TCF7L1: variants seen among roughly 807,000 people sequenced by gnomAD.
TCF7L1 encodes the protein transcription factor 7-like 1.
In TCF7L1, 18 loss-of-function variants were observed where a neutral mutation model predicts 63.7. That is an observed-to-expected ratio of 0.28 (90% CI 0.20 to 0.42). The LOEUF is 0.42. Among genes scored for constraint, TCF7L1 ranks in the 10% least tolerant of loss-of-function variants. The pLI, the probability that TCF7L1 is intolerant of heterozygous loss-of-function variation, is 1.00. For missense variants in TCF7L1, 654 were observed against 779.3 expected, an observed-to-expected ratio of 0.84 and a Z score of 1.91; for synonymous variants, 355 against 340.9, an observed-to-expected ratio of 1.04 and a Z score of -0.46.
intron 11 of TCF7L1, among the ~76,000 whole-genome samples, chr2:85,308,351 C>CCCTCCCTCCCTTTATT (rs1558663367): frequency 6.6e-6 from 1 of 151,186 alleles, no homozygotes; most frequent in African/African-American, 2.4e-5. Context: ...CTTCATTCCT[C>CCCTCCCTCCCTTTATT]CCTCCCTCCC....
At chr2:85,282,473 T>C (rs1349516240) in intron 3 of TCF7L1, among the ~76,000 whole-genome samples, 3 of 152,226 alleles carry the variant, frequency 2.0e-5, no homozygotes, top group African/African-American at 7.2e-5. Flanking sequence ...GGTTTGCTTA[T>C]GGAAATAATA....
intron 3 of TCF7L1, among the ~76,000 whole-genome samples, chr2:85,217,575 C>A (rs1190901458): frequency 6.6e-6 from 1 of 152,156 alleles, no homozygotes; most frequent in Non-Finnish European, 1.5e-5. Context: ...CCAATGACCC[C>A]AAGGTGCTGT....
intron 4 of TCF7L1, among the ~76,000 whole-genome samples, chr2:85,299,860 AAC>A (rs61569778): frequency 0.083 from 7,714 of 92,608 alleles, 459 homozygotes; most frequent in Non-Finnish European, 0.1. Flanking sequence ...CCTTGTCTCA[AAC>A]ACACACACAC....
intron 3 of TCF7L1, among the ~76,000 whole-genome samples, chr2:85,239,747 A>T (rs1680280227): frequency 6.6e-6 from 1 of 152,168 alleles, no homozygotes; most frequent in Admixed American, 6.5e-5. Flanking sequence ...GTTCGAGACC[A>T]GCTTGACCAA....
intron 5 of TCF7L1, chr2:85,303,245 C>T (rs1302051708): frequency 6.6e-6 from 1 of 152,558 alleles, no homozygotes; most frequent in Non-Finnish European, 1.5e-5. Flanking sequence ...CCATGTTGCC[C>T]AGGCTGGTCT....
intron 3 of TCF7L1, among the ~76,000 whole-genome samples, chr2:85,174,021 C>T (rs1284636780): frequency 2.0e-5 from 3 of 152,186 alleles, no homozygotes; most frequent in Non-Finnish European, 2.9e-5. Flanking sequence ...ATGCGTGAGC[C>T]ACCGCGCCCG....
chr2:85,238,353 G>T (rs1172266882), intron 3 of TCF7L1, among the ~76,000 whole-genome samples: 1 of 152,182 alleles, frequency 6.6e-6, no homozygotes, highest in Non-Finnish European at 1.5e-5. Context: ...TCCAGGTACT[G>T]GGGGAAGGGC....
At chr2:85,263,870 G>A (rs898127180) in intron 3 of TCF7L1, among the ~76,000 whole-genome samples, 5 of 152,236 alleles carry the variant, frequency 3.3e-5, no homozygotes, top group Non-Finnish European at 7.3e-5. Context: ...AGGAGTAAGT[G>A]GAAAACCAGC....
At chr2:85,143,956 G>A (rs1052634896) in intron 3 of TCF7L1, among the ~76,000 whole-genome samples, 4 of 152,202 alleles carry the variant, frequency 2.6e-5, no homozygotes, top group Admixed American at 2.6e-4. Context: ...AACTTCATCC[G>A]AGGAAAAGGT....
intron 3 of TCF7L1, among the ~76,000 whole-genome samples, chr2:85,180,459 C>T (rs1572979091): frequency 6.6e-6 from 1 of 152,160 alleles, no homozygotes. Context: ...AGCCTCATGA[C>T]GGCTACACCC....
intron 3 of TCF7L1, among the ~76,000 whole-genome samples, chr2:85,268,285 G>A (rs1036490778): frequency 3.3e-5 from 5 of 152,100 alleles, no homozygotes; most frequent in South Asian, 2.1e-4. Context: ...GAGTGTGACC[G>A]CTAATTGCCT....
At chr2:85,161,162 T>C (rs1678277631) in intron 3 of TCF7L1, among the ~76,000 whole-genome samples, 1 of 152,092 alleles carries the variant, frequency 6.6e-6, no homozygotes, top group African/African-American at 2.4e-5. Flanking sequence ...ATGAACCAGA[T>C]TGTTCTCATT....
chr2:85,238,425 T>C (rs1680244050), intron 3 of TCF7L1, among the ~76,000 whole-genome samples: 1 of 152,100 alleles, frequency 6.6e-6, no homozygotes, highest in African/African-American at 2.4e-5. Context: ...GACTACTCTT[T>C]TGGGGGGATT....
chr2:85,160,517 G>A lies in TCF7L1; in HGVS notation c.441+26067G>A, dbSNP rs575537263. On this transcript the variant is annotated intron_variant, in intron 3 of 11. Transcript: ENST00000282111. Reference sequence around the variant, plus strand: ...CGGGATTGCAGGTGTGAGCTACTGCGCTCGGCCTTATTTTTTGAAGTCTTG... The same window carrying A: ...CGGGATTGCAGGTGTGAGCTACTGCACTCGGCCTTATTTTTTGAAGTCTTG... Among the ~76,000 whole-genome samples the A allele has an allele frequency of 2.3e-3, 347 of 152,132 alleles. 2 individuals carry two copies. The highest frequency in any genetic ancestry group is 1.2e-3 in the Admixed American group (19 of 15,286).
intron 3 of TCF7L1, among the ~76,000 whole-genome samples, chr2:85,181,351 T>C (rs1477662538): frequency 6.6e-6 from 1 of 152,170 alleles, no homozygotes; most frequent in East Asian, 1.9e-4. Flanking sequence ...AAACAGCCCC[T>C]GGGAAAGGCC....
intron 3 of TCF7L1, among the ~76,000 whole-genome samples, chr2:85,248,946 T>A (rs1045437925): frequency 2.0e-4 from 30 of 152,118 alleles, no homozygotes; most frequent in African/African-American, 6.7e-4. Context: ...TCTGCAATCC[T>A]GTGGGTGCTC....
intron 3 of TCF7L1, among the ~76,000 whole-genome samples, chr2:85,233,386 G>T (rs1191496562): frequency 6.7e-6 from 1 of 149,350 alleles, no homozygotes; most frequent in Non-Finnish European, 1.5e-5. Flanking sequence ...CGTGATTTCG[G>T]TTCACTGCAA....
At chr2:85,165,815 CT>C (rs1284397380) in intron 3 of TCF7L1, among the ~76,000 whole-genome samples, 1 of 152,166 alleles carries the variant, frequency 6.6e-6, no homozygotes, top group African/African-American at 2.4e-5. Context: ...CTTCCTCCAG[CT>C]TCCCCAGTGG....
chr2:85,167,085 AT>A (rs1558621754), intron 3 of TCF7L1: 1 of 152,014 alleles, frequency 6.6e-6, no homozygotes, highest in African/African-American at 2.4e-5. Context: ...ATGTATTTCT[AT>A]TTTTATTTTT....
Sources: gnomAD v4.1 joint callset for allele counts (sites outside exome capture counted in the v4.1 genomes callset) on GRCh38, gnomAD v4.1.1 for gene constraint, MANE v1.5 for transcripts, NCBI Gene and HGNC (gene_info 2026-07-23, HGNC 2026-07-21) for gene names.